The following DIP2A variants were observed in gnomAD, a reference collection of about 807,000 sequenced individuals.
DIP2A encodes disco-interacting protein 2 homolog A.
In DIP2A, 85 loss-of-function variants were observed where a neutral mutation model predicts 177.4. That is an observed-to-expected ratio of 0.48 (90% CI 0.40 to 0.57). The LOEUF (loss-of-function observed/expected upper bound fraction) is 0.57, where lower values mean the gene tolerates loss of function less well. Among genes scored for constraint, DIP2A ranks in the 20% least tolerant of loss-of-function variants. The probability of loss-of-function intolerance (pLI) is 0.00; values close to 1 mark genes in which losing one functional copy is unlikely to be tolerated. For missense variants in DIP2A, 1,791 were observed against 2,100.2 expected (o/e 0.85, Z 2.88); for synonymous variants, 886 against 881.8 (o/e 1.00, Z -0.08).
At chr21:46,499,161 C>T (rs892521766) in intron 5 of DIP2A, among the ~76,000 whole-genome samples, 4 of 152,214 alleles carry the variant, frequency 2.6e-5, no homozygotes, top group South Asian at 2.1e-4. Flanking sequence ...TCAAGACCTA[C>T]GTATTTTTCA....
At chr21:46,539,584 C>T in intron 16 of DIP2A, 1 of 422,424 alleles carries the variant, frequency 2.4e-6, no homozygotes, top group East Asian at 5.2e-5. Context: ...CTGATCCTTG[C>T]AGTGCCGTGC....
At chr21:46,521,760 A>G (rs899775908) in intron 8 of DIP2A, among the ~76,000 whole-genome samples, 3 of 152,220 alleles carry the variant, frequency 2.0e-5, no homozygotes, top group African/African-American at 7.2e-5. Context: ...ACTTTAGGCC[A>G]GTGTGTTCAC....
chr21:46,512,640 A>AT (rs35097201), intron 8 of DIP2A, among the ~76,000 whole-genome samples: 150,714 of 150,788 alleles, frequency 1, 75,320 homozygotes, highest in Middle Eastern at 1. Flanking sequence ...TTTCTTTTTT[A>AT]TTTTTTTTCT....
intron 21 of DIP2A, among the ~76,000 whole-genome samples, chr21:46,548,602 A>G (rs2060152367): frequency 6.6e-6 from 1 of 152,278 alleles, no homozygotes; most frequent in Non-Finnish European, 1.5e-5. Context: ...GGATACAGCT[A>G]GAGAACAAGT....
At chr21:46,509,428 C>T (rs981682413) in intron 7 of DIP2A, 52 bp downstream of exon 7, 8 of 1,559,900 alleles carry the variant, frequency 5.1e-6, no homozygotes, top group East Asian at 4.5e-5. Flanking sequence ...AGGGTGGCCA[C>T]GAAGTTGAGA....
intron 1 of DIP2A, chr21:46,462,521 T>C (rs2054407256): frequency 6.6e-6 from 1 of 152,252 alleles, no homozygotes; most frequent in African/African-American, 2.4e-5. Context: ...GCTTCGAAAC[T>C]GGTAAGGTGT....
intron 23 of DIP2A, among the ~76,000 whole-genome samples, chr21:46,551,006 C>G (rs564098322): frequency 2.8e-4 from 42 of 152,322 alleles, no homozygotes; most frequent in African/African-American, 8.2e-4. Flanking sequence ...ATGATAAACT[C>G]AAGGATGGCA....
rs1355489461 is a variant in DIP2A at position 46,563,099 on chromosome 21, G to A, written c.4090-759G>A. 6.6e-6 allele frequency among the ~76,000 whole-genome samples: 1 copy of A among 152,214 alleles called. No homozygotes were observed. Among genetic ancestry groups the A allele is most frequent in the African/African-American group, 2.4e-5 (1 of 41,450 alleles). ...AGCTCTGGTTTTGGGGCTCAGCTGGGACATGCAGGGAGAAGATGGAGGCTC... is the reference window on the plus strand; with the variant it reads ...AGCTCTGGTTTTGGGGCTCAGCTGGAACATGCAGGGAGAAGATGGAGGCTC... On this transcript the variant is annotated intron_variant, in intron 34 of 37. Coordinates refer to ENST00000417564, the MANE Select transcript of DIP2A (RefSeq NM_015151.4). The surrounding 1 kb of genome is among the most constrained non-coding windows in gnomAD (Gnocchi z 4.3).
In DIP2A at chr21:46,541,570, G is replaced by A. The variant is rs932542530; in HGVS notation, c.2037-186G>A. Among the ~76,000 whole-genome samples the A allele has an allele frequency of 3.3e-5, 5 of 152,124 alleles. No homozygotes were observed. The East Asian group carries it at 7.7e-4, about 23-fold the overall frequency. On this transcript the variant is annotated intron_variant, in intron 17 of 37. Coordinates refer to ENST00000417564, the MANE Select transcript of DIP2A (RefSeq NM_015151.4). ...CCCTTTTCCCACTGAGTGGAGTGTC[G>A]ACGTCACATTGCAGAGGGGCATGTA...
chr21:46,512,808 AAAAC>A (rs201606866), intron 8 of DIP2A, among the ~76,000 whole-genome samples: 18,235 of 120,220 alleles, frequency 0.15, 1,300 homozygotes, highest in Non-Finnish European at 0.19. Flanking sequence ...TTTAAAAAAA[AAAAC>A]AAACAAAACA....
In DIP2A at chr21:46,565,704, G is replaced by T; in HGVS notation, c.4165-9G>T. 6.2e-7 allele frequency: 1 copy of T among 1,611,816 alleles called. No homozygotes were observed. Among genetic ancestry groups the T allele is most frequent in the Non-Finnish European group, 8.5e-7 (1 of 1,178,710 alleles). On this transcript the variant is annotated splice_polypyrimidine_tract_variant and intron_variant, in intron 35 of 37. Transcript: ENST00000417564. ...AACACATCACATTCTTGTCCTCTGG[G>T]CCCACCAGATCTGGGTAAGCAGCCC... is the stretch of plus-strand genomic sequence containing the variant.
Position 46,498,529 on chromosome 21 carries a change from C to T in DIP2A, c.404-53C>T. On this transcript the variant is annotated intron_variant, in intron 4 of 37. Transcript: ENST00000417564. The surrounding 1 kb of genome is among the most constrained non-coding windows in gnomAD (Gnocchi z 4.3). ...GCTCCAGTGTGAGTGGGAACTCCGT[C>T]CTCCTCTTGACTCATCCCGATATCA... 3 of 1,556,046 alleles carry T rather than the reference C, an allele frequency of 1.9e-6. No individual in the cohort carries two copies. The highest frequency in any genetic ancestry group is 2.4e-5 in the South Asian group (2 of 81,874).
intron 3 of DIP2A, among the ~76,000 whole-genome samples, chr21:46,496,287 C>G (rs1342798462): frequency 6.6e-6 from 1 of 152,124 alleles, no homozygotes; most frequent in East Asian, 1.9e-4. Context: ...AAGTGCTTTT[C>G]ATTTGCCATA....
chr21:46,516,484 A>ATTTTTTTTTTTTTTTTTTTTTTTTT (rs779342846), intron 8 of DIP2A, among the ~76,000 whole-genome samples: 1 of 92,874 alleles, frequency 1.1e-5, no homozygotes, highest in Non-Finnish European at 2.4e-5. Context: ...GTCTTCTGAA[A>ATTTTTTTTTTTTTTTTTTTTTTTTT]TTTCTTTTTT....
In DIP2A at chr21:46,557,854, AGTT is replaced by A; in HGVS notation, c.3798+103_3798+105del. On this transcript the variant is annotated intron_variant, in intron 31 of 37. Transcript: ENST00000417564. The surrounding 1 kb of genome is among the most constrained non-coding windows in gnomAD (Gnocchi z 6.0). ...CAAGACTCCCAAGGCCCCTCCCTGC[AGTT>A]GGAGGAAGTAGAGAAAACCCTTTCC... 1 of 1,383,806 alleles carries A rather than the reference AGTT, an allele frequency of 7.2e-7. No homozygotes were observed. The allele number at this position is 1,383,806 out of a possible 1,614,324, so 85.7% of individuals were successfully genotyped here.
At chr21:46,464,627 G>A (rs986111886) in intron 1 of DIP2A, among the ~76,000 whole-genome samples, 1 of 152,110 alleles carries the variant, frequency 6.6e-6, no homozygotes, top group Non-Finnish European at 1.5e-5. Flanking sequence ...GGTGGAAGGT[G>A]AGAAGGCAAG....
At chr21:46,565,592 A>G in intron 35 of DIP2A, 121 bp from the exon 36 acceptor site, 1 of 1,016,624 alleles carries the variant, frequency 9.8e-7, no homozygotes, top group South Asian at 1.7e-5. Context: ...AATGAATATT[A>G]TCCGCCCCGA....
chr21:46,567,752 A>T lies in DIP2A; in HGVS notation c.*130A>T. On this transcript the variant is annotated 3_prime_UTR_variant, in exon 38 of 38. Coordinates refer to ENST00000417564, the MANE Select transcript of DIP2A (RefSeq NM_015151.4). ...GTGCTCTTACAGATCCCTCTCAACA[A>T]TCCCCGCATCTCCTTTTAGAAAGCA... The T allele has an allele frequency of 1.9e-6, 2 of 1,074,308 alleles. No homozygotes were observed. Among genetic ancestry groups the T allele is most frequent in the Non-Finnish European group, 2.6e-6 (2 of 779,538 alleles). 66.5% of individuals were successfully genotyped at this position (1,074,308 alleles called of 1,614,324 possible). A position where few individuals can be genotyped will look rare whatever the true frequency, so the allele number is the denominator to read the frequency against.
intron 13 of DIP2A, 47 bp downstream of exon 13, chr21:46,534,734 G>T: frequency 6.7e-7 from 1 of 1,498,304 alleles, no homozygotes. Context: ...GCCTCACACA[G>T]ATACCTGACG....
Sources: gnomAD v4.1 joint callset for allele counts (sites outside exome capture counted in the v4.1 genomes callset) on GRCh38, gnomAD v4.1.1 for gene constraint, Gnocchi (gnomAD v3.1) non-coding constraint, MANE v1.5 for transcripts, NCBI Gene and HGNC (gene_info 2026-07-23, HGNC 2026-07-21) for gene names.